The following DCLK2 variants were observed in gnomAD, a reference collection of about 807,000 sequenced individuals.
DCLK2 encodes doublecortin like kinase 2, also known as serine/threonine-protein kinase DCLK2.
In DCLK2, 31 loss-of-function variants were observed where a neutral mutation model predicts 78.4. The ratio of observed to expected loss-of-function variants is 0.40; its 90% CI spans 0.30 to 0.53. DCLK2 has a LOEUF of 0.53. DCLK2 is among the 20% of genes least tolerant of loss of function. The probability of loss-of-function intolerance (pLI) is 0.61; values close to 1 mark genes in which losing one functional copy is unlikely to be tolerated. For missense variants in DCLK2, 872 were observed against 973.7 expected (o/e 0.90, Z 1.39); for synonymous variants, 407 against 374.9 (o/e 1.09, Z -0.99).
chr4:150,091,260 T>C (rs1332555939), intron 1 of DCLK2, among the ~76,000 whole-genome samples: 1 of 152,220 alleles, frequency 6.6e-6, no homozygotes, highest in East Asian at 1.9e-4. Flanking sequence ...GAGGCAAATA[T>C]GCTCGAATAT....
At position 150,248,383 on chromosome 4, in the gene DCLK2, T is replaced by C. The variant is rs1466939427; in HGVS notation, c.1954T>C (p.Ser652Pro). The part of the protein sequence containing the change: ...AGQILSHPWV[S>P]DDASQENNMQ... ...ACAAATCCTGAGTCACCCCTGGGTGTCAGTAAGTACCCACATTCCCAGGGA... is the reference window on the plus strand; with the variant it reads ...ACAAATCCTGAGTCACCCCTGGGTGCCAGTAAGTACCCACATTCCCAGGGA... The change falls in exon 14 of 16, where the codon TCA becomes CCA. Residue 652 changes from serine to proline, a missense_variant and splice_region_variant. By Grantham distance (74) the Ser-to-Pro change is moderately conservative (BLOSUM62 -1). Coordinates refer to ENST00000296550, the MANE Select transcript of DCLK2 (RefSeq NM_001040260.4). The C allele has an allele frequency of 1.2e-6, 2 of 1,613,536 alleles. No homozygotes were observed. The highest frequency in any genetic ancestry group is 1.7e-6 in the Non-Finnish European group (2 of 1,179,698).
chr4:150,215,885 A>G (rs1740676042), intron 5 of DCLK2, among the ~76,000 whole-genome samples: 1 of 152,224 alleles, frequency 6.6e-6, no homozygotes, highest in South Asian at 2.1e-4. Flanking sequence ...GTCCTGCTTT[A>G]GGCAGGTGAA....
intron 2 of DCLK2, among the ~76,000 whole-genome samples, chr4:150,111,809 A>G (rs970460837): frequency 2.6e-5 from 4 of 152,018 alleles, no homozygotes; most frequent in Non-Finnish European, 5.9e-5. Context: ...TAGACTCCCT[A>G]TTCTGTTGTG....
intron 2 of DCLK2, among the ~76,000 whole-genome samples, chr4:150,156,278 G>A (rs1156496010): frequency 3.3e-5 from 5 of 152,076 alleles, no homozygotes; most frequent in African/African-American, 1.2e-4. Flanking sequence ...TGAGAAGGCA[G>A]GAGAAGGTGG....
At chr4:150,176,227 A>G (rs1402717337) in intron 2 of DCLK2, among the ~76,000 whole-genome samples, 2 of 152,076 alleles carry the variant, frequency 1.3e-5, no homozygotes, top group Admixed American at 6.5e-5. Context: ...ATCTAATACT[A>G]TGAGCCCTGA....
In DCLK2 at chr4:150,206,591, A is replaced by C. The variant is rs1409436825; in HGVS notation, c.1056+2702A>C. Reference sequence around the variant, plus strand: ...AAAACAAGACTTTTGATTTTAAATGACCTCTAAAATGCTAGGAATATAGTT... The same window carrying C: ...AAAACAAGACTTTTGATTTTAAATGCCCTCTAAAATGCTAGGAATATAGTT... On this transcript the variant is annotated intron_variant, in intron 5 of 15. Coordinates refer to ENST00000296550, the MANE Select transcript of DCLK2 (RefSeq NM_001040260.4). 4.6e-5 allele frequency among the ~76,000 whole-genome samples: 7 copies of C among 152,250 alleles called. No homozygotes were observed. The East Asian group carries it at 1.3e-3, about 29-fold the overall frequency.
chr4:150,202,432 G>T (rs971219584), intron 4 of DCLK2, among the ~76,000 whole-genome samples: 1 of 152,112 alleles, frequency 6.6e-6, no homozygotes, highest in Non-Finnish European at 1.5e-5. Context: ...ACTGGAAAAA[G>T]TTTTCGTTTT....
intron 2 of DCLK2, among the ~76,000 whole-genome samples, chr4:150,191,048 C>T (rs531956022): frequency 1.3e-5 from 2 of 152,182 alleles, no homozygotes; most frequent in African/African-American, 4.8e-5. Context: ...ATCATTTAAG[C>T]CCAGAGGTTA....
chr4:150,100,739 A>T (rs943466526), intron 1 of DCLK2, among the ~76,000 whole-genome samples: 45 of 152,212 alleles, frequency 3.0e-4, no homozygotes, highest in African/African-American at 1.1e-3. Context: ...TTAAATTGAT[A>T]ACTGTTTTTG....
chr4:150,217,400 C>T (rs1740801502), intron 5 of DCLK2, among the ~76,000 whole-genome samples: 2 of 152,184 alleles, frequency 1.3e-5, no homozygotes, highest in Admixed American at 1.3e-4. Context: ...AGCCAAGCTT[C>T]ATTAGTGGGA....
chr4:150,199,040 G>A (rs1463060705), intron 4 of DCLK2: 7 of 1,596,152 alleles, frequency 4.4e-6, no homozygotes, highest in Non-Finnish European at 5.1e-6. Context: ...AAGCGGGGTG[G>A]CCACTACTCC....
intron 2 of DCLK2, among the ~76,000 whole-genome samples, chr4:150,151,860 G>C (rs1734918813): frequency 6.6e-6 from 1 of 152,074 alleles, no homozygotes; most frequent in South Asian, 2.1e-4. Context: ...GGGAGGCAGA[G>C]GTTGCAGTGA....
chr4:150,176,291 C>A (rs1450654128), intron 2 of DCLK2, among the ~76,000 whole-genome samples: 1 of 152,180 alleles, frequency 6.6e-6, no homozygotes, highest in Non-Finnish European at 1.5e-5. Context: ...ACTAAATATT[C>A]CCTGAGTGCC....
chr4:150,084,266 A>G (rs1729500881), intron 1 of DCLK2, among the ~76,000 whole-genome samples: 1 of 152,224 alleles, frequency 6.6e-6, no homozygotes, highest in African/African-American at 2.4e-5. Flanking sequence ...TAACTCAGAC[A>G]ATGATTTTAC....
intron 2 of DCLK2, among the ~76,000 whole-genome samples, chr4:150,178,691 C>T (rs956893585): frequency 6.6e-6 from 1 of 152,214 alleles, no homozygotes; most frequent in African/African-American, 2.4e-5. Flanking sequence ...ATCTACTCAC[C>T]TTGCCGGACC....
chr4:150,108,056 T>C (rs1332791873), intron 2 of DCLK2, among the ~76,000 whole-genome samples: 1 of 152,188 alleles, frequency 6.6e-6, no homozygotes, highest in African/African-American at 2.4e-5. Context: ...TCATGGTTAC[T>C]GATTTTCTAA....
chr4:150,153,384 A>G (rs962890238), intron 2 of DCLK2, among the ~76,000 whole-genome samples: 1 of 151,718 alleles, frequency 6.6e-6, no homozygotes, highest in Non-Finnish European at 1.5e-5. Context: ...CTTGATCCCT[A>G]TTTGTGCACT....
chr4:150,181,109 G>A (rs1234057534), intron 2 of DCLK2, among the ~76,000 whole-genome samples: 1 of 152,196 alleles, frequency 6.6e-6, no homozygotes, highest in East Asian at 1.9e-4. Context: ...AAGCATACAA[G>A]TGGATAGCTG....
At chr4:150,234,938 C>T (rs1435959620) in intron 10 of DCLK2, among the ~76,000 whole-genome samples, 5 of 152,156 alleles carry the variant, frequency 3.3e-5, no homozygotes, top group African/African-American at 4.8e-5. Flanking sequence ...GAGTTTGGCC[C>T]GGGCTTCGCA....
Sources: allele counts gnomAD v4.1 joint callset (sites outside exome capture counted in the v4.1 genomes callset), GRCh38; gene constraint gnomAD v4.1.1; transcripts MANE v1.5; gene names NCBI Gene and HGNC (gene_info 2026-07-23, HGNC 2026-07-21).